The following ATP8A2 variants were observed in gnomAD, a reference collection of about 807,000 sequenced individuals.
The protein encoded by ATP8A2 is phospholipid-transporting ATPase IB.
ATP8A2 carries 100 observed loss-of-function variants against 165.6 expected under a neutral mutation model. The ratio of observed to expected loss-of-function variants is 0.60; its 90% CI spans 0.51 to 0.71. The LOEUF is 0.71. ATP8A2 is among the 30% of genes least tolerant of loss of function. The probability of loss-of-function intolerance (pLI) is 0.00; values close to 1 mark genes in which losing one functional copy is unlikely to be tolerated. For synonymous variants in ATP8A2, 543 were observed against 548.8 expected, an observed-to-expected ratio of 0.99 and a Z score of 0.15; for missense variants, 1,227 against 1,479.5, an observed-to-expected ratio of 0.83 and a Z score of 2.80.
intron 21 of ATP8A2, 148 bp downstream of exon 21, chr13:25,579,047 C>G (rs867428118): frequency 6.1e-6 from 4 of 654,152 alleles, no homozygotes; most frequent in Non-Finnish European, 1.1e-5. Context: ...CAAATCCAAA[C>G]TCATTTACCT....
intron 30 of ATP8A2, among the ~76,000 whole-genome samples, chr13:25,858,003 A>G (rs1044348947): frequency 1.3e-5 from 2 of 152,242 alleles, no homozygotes; most frequent in African/African-American, 4.8e-5. Flanking sequence ...GGTTTTCATA[A>G]TAGTGCCTGG....
chr13:25,413,278 G>GTTTTTTTTT (rs1195456593), intron 1 of ATP8A2, among the ~76,000 whole-genome samples: 5 of 105,262 alleles, frequency 4.8e-5, no homozygotes, highest in Non-Finnish European at 3.7e-5. Context: ...CTTTTTCTTT[G>GTTTTTTTTT]TTTTTTTTTT....
At chr13:25,841,263 A>G (rs1044436229) in intron 30 of ATP8A2, among the ~76,000 whole-genome samples, 5 of 152,358 alleles carry the variant, frequency 3.3e-5, no homozygotes, top group Admixed American at 2.0e-4. Flanking sequence ...GACAGCACCA[A>G]ATGAATTTTA....
chr13:25,894,624 G>T (rs1953477091), intron 33 of ATP8A2, among the ~76,000 whole-genome samples: 1 of 152,122 alleles, frequency 6.6e-6, no homozygotes. Context: ...ATTACCTTGG[G>T]CAGTGCGGCC....
chr13:25,739,528 T>G (rs2043861638), intron 25 of ATP8A2, among the ~76,000 whole-genome samples: 1 of 152,196 alleles, frequency 6.6e-6, no homozygotes, highest in Admixed American at 6.5e-5. Flanking sequence ...CAGAAATTTT[T>G]TAGCCTGTTC....
Position 25,758,347 on chromosome 13 carries a change from T to A in ATP8A2, c.2385-10699T>A, listed in dbSNP as rs138763519. Among the ~76,000 whole-genome samples the A allele has an allele frequency of 1.4e-4, 21 of 152,338 alleles. No homozygotes were observed. In the South Asian group the frequency reaches 2.7e-3, roughly 20 times the overall value. On this transcript the variant is annotated intron_variant, in intron 25 of 36. Transcript: ENST00000381655. ...AAGCAAATATTTGTTTATTACCTAT[T>A]GTGTATGATGCTAAAGGTCTAAAGA...
intron 27 of ATP8A2, among the ~76,000 whole-genome samples, chr13:25,808,020 C>A (rs1271896581): frequency 2.7e-5 from 4 of 146,300 alleles, no homozygotes; most frequent in African/African-American, 7.7e-5. Flanking sequence ...GAGATATTTT[C>A]ATCAGTGGTT....
intron 25 of ATP8A2, among the ~76,000 whole-genome samples, chr13:25,746,997 C>T (rs557209558): frequency 6.6e-6 from 1 of 152,298 alleles, no homozygotes; most frequent in African/African-American, 2.4e-5. Context: ...TATGGTCGTT[C>T]TGTCCTGCGA....
chr13:25,986,040 A>T (rs1790735722), intron 35 of ATP8A2, among the ~76,000 whole-genome samples: 1 of 152,236 alleles, frequency 6.6e-6, no homozygotes, highest in Non-Finnish European at 1.5e-5. Flanking sequence ...TCACTAACCC[A>T]CTGAGGACTG....
At chr13:25,446,969 C>A (rs1190730331) in intron 1 of ATP8A2, among the ~76,000 whole-genome samples, 1 of 152,174 alleles carries the variant, frequency 6.6e-6, no homozygotes, top group Non-Finnish European at 1.5e-5. Context: ...AATCCTCCCA[C>A]CTTAGCCTCC....
At chr13:25,843,847 G>C (rs1242875555) in intron 30 of ATP8A2, among the ~76,000 whole-genome samples, 1 of 152,184 alleles carries the variant, frequency 6.6e-6, no homozygotes, top group African/African-American at 2.4e-5. Context: ...ATAGAGAGGA[G>C]GTAGGGGCTG....
intron 27 of ATP8A2, among the ~76,000 whole-genome samples, chr13:25,795,330 A>G (rs1206554914): frequency 6.6e-6 from 1 of 152,248 alleles, no homozygotes; most frequent in African/African-American, 2.4e-5. Flanking sequence ...ATTAACTTTT[A>G]AATATGAATA....
At chr13:25,870,914 C>G (rs1952658753) in intron 33 of ATP8A2, among the ~76,000 whole-genome samples, 1 of 152,146 alleles carries the variant, frequency 6.6e-6, no homozygotes, top group Non-Finnish European at 1.5e-5. Flanking sequence ...CGAGCCCAAT[C>G]TTTTTTAAAG....
intron 33 of ATP8A2, among the ~76,000 whole-genome samples, chr13:25,923,993 T>C (rs1252014260): frequency 2.0e-5 from 3 of 152,188 alleles, no homozygotes; most frequent in African/African-American, 7.2e-5. Flanking sequence ...GATAATTCTT[T>C]TCCAAATAGC....
chr13:25,821,756 G>C (rs1224029424), intron 27 of ATP8A2, among the ~76,000 whole-genome samples: 1 of 152,176 alleles, frequency 6.6e-6, no homozygotes, highest in East Asian at 1.9e-4. Context: ...TCTGGGCCTT[G>C]TAGGATGTTT....
intron 27 of ATP8A2, among the ~76,000 whole-genome samples, 165 bp from the exon 28 acceptor site, chr13:25,827,953 C>T (rs1358126578): frequency 6.6e-6 from 1 of 152,150 alleles, no homozygotes; most frequent in African/African-American, 2.4e-5. Context: ...TCTGTGATAT[C>T]GGGAATCTAT....
chr13:25,562,897 T>C (rs2039201720), intron 15 of ATP8A2, among the ~76,000 whole-genome samples: 1 of 152,222 alleles, frequency 6.6e-6, no homozygotes, highest in African/African-American at 2.4e-5. Context: ...ATGTGGAAGC[T>C]GTGCTGTCTT....
In ATP8A2 at chr13:26,025,329, C is replaced by T. The variant is rs1004102257; in HGVS notation, c.*5344C>T. The T allele has an allele frequency of 2.0e-5, 3 of 152,212 alleles. No individual in the cohort carries two copies. The highest frequency in any genetic ancestry group is 2.9e-5 in the Non-Finnish European group (2 of 68,060). 9.4% of individuals were successfully genotyped at this position (152,212 alleles called of 1,614,324 possible). A position where few individuals can be genotyped will look rare whatever the true frequency, so the allele number is the denominator to read the frequency against. On this transcript the variant is annotated 3_prime_UTR_variant, in exon 37 of 37. Transcript: ENST00000381655. ...CTGTGCAATGCCGCTTCCCTCTGAG[C>T]CTCCCTCTCAAGGGCCACGCAGGCA...
chr13:25,836,677 C>A (rs1206848662), intron 28 of ATP8A2, among the ~76,000 whole-genome samples: 1 of 152,158 alleles, frequency 6.6e-6, no homozygotes, highest in Non-Finnish European at 1.5e-5. Flanking sequence ...TAAATCTCTC[C>A]ATTCCTGGTG....
Sources: gnomAD v4.1 joint callset for allele counts (sites outside exome capture counted in the v4.1 genomes callset) on GRCh38, gnomAD v4.1.1 for gene constraint, MANE v1.5 for transcripts, NCBI Gene and HGNC (gene_info 2026-07-23, HGNC 2026-07-21) for gene names.